The following PAMR1 variants were observed in gnomAD, a reference collection of about 807,000 sequenced individuals.
PAMR1 encodes the protein inactive serine protease PAMR1.
In PAMR1, 88 loss-of-function variants were observed where a neutral mutation model predicts 81.8. The observed-to-expected ratio is 1.08, with a 90% confidence interval of 0.91 to 1.28. The LOEUF (loss-of-function observed/expected upper bound fraction) is 1.28. PAMR1 is among the 50% of genes most tolerant of loss of function. The pLI is 0.00. For synonymous variants in PAMR1, 336 were observed against 345.3 expected, an observed-to-expected ratio of 0.97 and a Z score of 0.30; for missense variants, 935 against 919.7, an observed-to-expected ratio of 1.02 and a Z score of -0.21.
At chr11:35,525,380 C>G (rs576665840) in intron 1 of PAMR1, 133 bp downstream of exon 1, 29 of 691,848 alleles carry the variant, frequency 4.2e-5, no homozygotes, top group Admixed American at 2.2e-4. Context: ...CACCACCCCC[C>G]CTCAACCCCT....
chr11:35,471,048 G>T (rs1850165903), intron 4 of PAMR1, among the ~76,000 whole-genome samples: 1 of 152,200 alleles, frequency 6.6e-6, no homozygotes, highest in South Asian at 2.1e-4. Context: ...CCCAGGTGGA[G>T]CAAGGTGCCA....
Position 35,474,617 on chromosome 11 carries a change from C to G in PAMR1, c.494+13G>C. Reference sequence around the variant, plus strand: ...TAACCTCAGACTCCTGACTTCTGGCCCCAGCTCCTTACCTTAGTTGGATGA... The same window carrying G: ...TAACCTCAGACTCCTGACTTCTGGCGCCAGCTCCTTACCTTAGTTGGATGA... On this transcript the variant is annotated intron_variant, in intron 4 of 10. Transcript: ENST00000619888. 1 of 1,506,414 alleles carries G rather than the reference C, an allele frequency of 6.6e-7. No homozygotes were observed. Among genetic ancestry groups the G allele is most frequent in the Non-Finnish European group, 9.1e-7 (1 of 1,097,270 alleles). The allele number at this position is 1,506,414 out of a possible 1,614,324, so 93.3% of individuals were successfully genotyped here. A position where few individuals can be genotyped will look rare whatever the true frequency, so the allele number is the denominator to read the frequency against.
At chr11:35,484,985 G>C (rs117711020) in intron 3 of PAMR1, among the ~76,000 whole-genome samples, 5,339 of 152,248 alleles carry the variant, frequency 0.035, 143 homozygotes, top group Middle Eastern at 0.058. Context: ...CCTTGGTTTC[G>C]ACTTTGGATA....
At chr11:35,458,013 A>G (rs1565334494) in intron 6 of PAMR1, among the ~76,000 whole-genome samples, 1 of 152,230 alleles carries the variant, frequency 6.6e-6, no homozygotes, top group East Asian at 1.9e-4. Context: ...GACAGGGTAG[A>G]AGGAGCATAA....
chr11:35,491,746 G>T (rs1451628173), intron 3 of PAMR1, among the ~76,000 whole-genome samples: 1 of 152,198 alleles, frequency 6.6e-6, no homozygotes, highest in East Asian at 1.9e-4. Context: ...ACTGTTTGCT[G>T]ACCAAGGCTA....
intron 3 of PAMR1, among the ~76,000 whole-genome samples, chr11:35,477,614 GCTA>G (rs1383731594): frequency 6.6e-6 from 1 of 152,194 alleles, no homozygotes; most frequent in Admixed American, 6.5e-5. Context: ...AAAAGTGGCA[GCTA>G]CTGTATACGG....
chr11:35,455,714 T>A (rs975206703), intron 6 of PAMR1, among the ~76,000 whole-genome samples: 3 of 152,142 alleles, frequency 2.0e-5, no homozygotes, highest in African/African-American at 7.2e-5. Flanking sequence ...TTTTCTTAGA[T>A]CTTCACACAT....
At chr11:35,505,205 G>T (rs905433007) in intron 1 of PAMR1, among the ~76,000 whole-genome samples, 1 of 151,882 alleles carries the variant, frequency 6.6e-6, no homozygotes, top group African/African-American at 2.4e-5. Context: ...TTCCACTATG[G>T]TCAGAAAAGA....
At chr11:35,521,408 C>G (rs775560483) in intron 1 of PAMR1, among the ~76,000 whole-genome samples, 3 of 152,112 alleles carry the variant, frequency 2.0e-5, no homozygotes, top group Non-Finnish European at 4.4e-5. Context: ...AAATGGAGGT[C>G]AAAACTTCAA....
At chr11:35,447,898 A>G (rs553293107) in intron 6 of PAMR1, among the ~76,000 whole-genome samples, 10 of 152,282 alleles carry the variant, frequency 6.6e-5, no homozygotes, top group African/African-American at 2.2e-4. Context: ...TCCTTCACTT[A>G]TGAAGCTTAG....
At chr11:35,501,502 TA>T (rs1307135158) in intron 1 of PAMR1, among the ~76,000 whole-genome samples, 1 of 152,124 alleles carries the variant, frequency 6.6e-6, no homozygotes, top group African/African-American at 2.4e-5. Flanking sequence ...AGTACAGTTG[TA>T]CAAAAATATT....
Position 35,439,651 on chromosome 11 carries a change from A to T in PAMR1, c.1076T>A (p.Val359Asp), listed in dbSNP as rs1856122493. ...PKISDLVRRRVLPMQVQSRET... is the reference protein window; with the variant it reads ...PKISDLVRRRDLPMQVQSRET... ...CCTTGACTGAACCTGCATCGGAAGA[A>T]CTCTCCTTCTCACCAGGTCTGAAAT... Residue 359 changes from valine to aspartate, a missense_variant, in exon 8 of 11, where the codon GTT becomes GAT. Physicochemically the swap from Val to Asp is radical, Grantham distance 152 (BLOSUM62 -3). Transcript: ENST00000619888. 2 of 1,613,894 alleles carry T rather than the reference A, an allele frequency of 1.2e-6. No homozygotes were observed. The highest frequency in any genetic ancestry group is 1.7e-6 in the Non-Finnish European group (2 of 1,179,870).
chr11:35,444,188 A>G (rs545296806), intron 6 of PAMR1, among the ~76,000 whole-genome samples: 2 of 152,132 alleles, frequency 1.3e-5, no homozygotes, highest in Non-Finnish European at 1.5e-5. Flanking sequence ...CCCCTTTTTA[A>G]TGGGATTTTT....
intron 1 of PAMR1, among the ~76,000 whole-genome samples, chr11:35,500,546 A>G (rs146445302): frequency 3.6e-4 from 55 of 152,364 alleles, no homozygotes; most frequent in African/African-American, 1.1e-3. Flanking sequence ...TTAGAATGCT[A>G]TAAGAATGAA....
At chr11:35,478,240 T>C (rs565435311) in intron 3 of PAMR1, among the ~76,000 whole-genome samples, 61 of 152,312 alleles carry the variant, frequency 4.0e-4, no homozygotes, top group Non-Finnish European at 7.8e-4. Flanking sequence ...ATTTGGGCTT[T>C]GGCCAGCTCC....
chr11:35,465,576 A>T (rs1374087089), intron 6 of PAMR1, among the ~76,000 whole-genome samples: 1 of 152,232 alleles, frequency 6.6e-6, no homozygotes, highest in Non-Finnish European at 1.5e-5. Flanking sequence ...CGTGTCCCCC[A>T]GTGAGTTAGT....
intron 7 of PAMR1, 149 bp from the exon 8 acceptor site, chr11:35,439,842 A>T (rs552570189): frequency 3.8e-5 from 25 of 659,922 alleles, no homozygotes; most frequent in African/African-American, 3.2e-4. Context: ...CCAAGCTTGA[A>T]CATCTCACTT....
At chr11:35,508,541 T>C (rs1315207778) in intron 1 of PAMR1, among the ~76,000 whole-genome samples, 1 of 92,820 alleles carries the variant, frequency 1.1e-5, no homozygotes, top group Non-Finnish European at 2.4e-5. Context: ...TTTTTTTTTT[T>C]ACTTTTACTT....
intron 6 of PAMR1, among the ~76,000 whole-genome samples, chr11:35,456,830 C>T (rs1856543031): frequency 6.6e-6 from 1 of 152,192 alleles, no homozygotes. Flanking sequence ...CTCCCATGAA[C>T]CTACAATGGA....
Sources: gnomAD v4.1 joint callset for allele counts (sites outside exome capture counted in the v4.1 genomes callset) on GRCh38, gnomAD v4.1.1 for gene constraint, MANE v1.5 for transcripts, NCBI Gene and HGNC (gene_info 2026-07-23, HGNC 2026-07-21) for gene names.